The following HK1 variants were observed in gnomAD, a reference collection of about 807,000 sequenced individuals.
The protein encoded by HK1 is hexokinase-1.
In HK1, 28 loss-of-function variants were observed where a neutral mutation model predicts 91.6. The observed-to-expected ratio is 0.31, with a 90% CI of 0.23 to 0.42. HK1 has a LOEUF of 0.42. Ranked by LOEUF, HK1 falls within the 10% of genes least tolerant of loss-of-function variation. The probability of loss-of-function intolerance (pLI) is 1.00; values close to 1 mark genes in which losing one functional copy is unlikely to be tolerated. For synonymous variants in HK1, 430 were observed against 468.1 expected (o/e 0.92, Z 1.05); for missense variants, 770 against 1,219.8 (o/e 0.63, Z 5.49).
chr10:69,377,609 C>T (rs1839181051), intron 8 of HK1, among the ~76,000 whole-genome samples: 2 of 152,126 alleles, frequency 1.3e-5, no homozygotes, highest in South Asian at 4.1e-4. Context: ...GGGAATATGG[C>T]ACATTTATCT....
chr10:69,333,936 C>T (rs2132639746), intron 1 of HK1, among the ~76,000 whole-genome samples: 1 of 152,196 alleles, frequency 6.6e-6, no homozygotes, highest in East Asian at 1.9e-4. Flanking sequence ...CATGGTGAAA[C>T]CGTGTCTCTA....
chr10:69,365,980 A>G (rs1303593204), intron 4 of HK1, among the ~76,000 whole-genome samples: 1 of 151,904 alleles, frequency 6.6e-6, no homozygotes, highest in African/African-American at 2.4e-5. Flanking sequence ...ACAGGTGCCC[A>G]CCACCATGTC....
chr10:69,289,773 ATTTT>A (rs35585147), intron 3 of HK1, among the ~76,000 whole-genome samples: 5 of 135,536 alleles, frequency 3.7e-5, no homozygotes, highest in Non-Finnish European at 1.6e-5. Flanking sequence ...CACCCGGCCA[ATTTT>A]TTTTTTTTTT....
rs541954746 is a variant in HK1, at chr10:69,380,066, C to A, written c.1236C>A (p.Val412=). The A allele has an allele frequency of 3.7e-6, 6 of 1,614,008 alleles. 1 individual carries two copies. In the South Asian group the frequency reaches 5.5e-5, roughly 15 times the overall value. The change falls in exon 9 of 18, where the codon GTC becomes GTA. Residue 412 remains valine (V), a synonymous_variant. Transcript: ENST00000359426. The surrounding 1 kb of genome is among the most constrained non-coding windows in gnomAD (Gnocchi z 4.0). ...CCAGGCTGCGGACCACGGTTGGTGT[C>A]GACGGATCTCTTTACAAGACGCACC... ...GTPRLRTTVG[V]DGSLYKTHPQ...
In HK1 at chr10:69,379,867, A is replaced by G; in HGVS notation, c.1037A>G (p.Lys346Arg). 1 of 1,610,646 alleles carries G rather than the reference A, an allele frequency of 6.2e-7. No individual in the cohort carries two copies. Residue 346 changes from lysine (K) to arginine (R), a missense_variant, in exon 9 of 18, where the codon AAG becomes AGG. Lys to Arg is a conservative substitution (Grantham distance 26). Around this residue, in one of 7 missense-constraint regions of HK1, gnomAD observed 449 missense variants for 665.1 expected, o/e 0.68. Coordinates refer to ENST00000359426, the MANE Select transcript of HK1 (RefSeq NM_000188.3). Reference sequence around the variant, plus strand: ...ATTGGCTTCTAACTTCACAGGAATAAGGAAGGCCTCCACAATGCCAAAGAA... The same window carrying G: ...ATTGGCTTCTAACTTCACAGGAATAGGGAAGGCCTCCACAATGCCAAAGAA... Reference protein sequence around the residue: ...TSDVSAIEKNKEGLHNAKEIL... With the variant: ...TSDVSAIEKNREGLHNAKEIL...
intron 4 of HK1, chr10:69,295,807 G>A: frequency 1.4e-6 from 1 of 721,404 alleles, no homozygotes; most frequent in Non-Finnish European, 2.5e-6. Flanking sequence ...TCTCCAGGGT[G>A]TGGAGCAGTA....
chr10:69,283,726 A>G (rs1242799047), intron 2 of HK1, among the ~76,000 whole-genome samples: 1 of 142,890 alleles, frequency 7.0e-6, no homozygotes, highest in Non-Finnish European at 1.5e-5. Context: ...GGCTGCAACA[A>G]GAGGTTGCAA....
At chr10:69,355,068 C>CAAA (rs775908068) in intron 2 of HK1, among the ~76,000 whole-genome samples, 77 of 84,996 alleles carry the variant, frequency 9.1e-4, no homozygotes, top group Non-Finnish European at 1.3e-3. Flanking sequence ...GACTCCCTCT[C>CAAA]AAAAAAAAAA....
intron 14 of HK1, among the ~76,000 whole-genome samples, chr10:69,390,777 C>T (rs1310325593): frequency 6.6e-6 from 1 of 152,222 alleles, no homozygotes. Flanking sequence ...GATGCAGGCT[C>T]TCAGGTCCTG....
chr10:69,319,291 C>T, intron 1 of HK1: 1 of 549,314 alleles, frequency 1.8e-6, no homozygotes, highest in Non-Finnish European at 3.3e-6. Flanking sequence ...GTCAGATAGG[C>T]CCCCGGGCTG....
chr10:69,382,852 G>A, intron 10 of HK1, 61 bp downstream of exon 10: 1 of 1,557,968 alleles, frequency 6.4e-7, no homozygotes, highest in Non-Finnish European at 8.8e-7. Context: ...GAGCCGCAGT[G>A]GGGGAGGTTG....
At chr10:69,363,763 G>T (rs990726307) in intron 3 of HK1, among the ~76,000 whole-genome samples, 1 of 152,222 alleles carries the variant, frequency 6.6e-6, no homozygotes, top group Non-Finnish European at 1.5e-5. Context: ...CTCATGGGCA[G>T]TATTCATGTA....
At chr10:69,288,801 T>G (rs1216807262) in intron 3 of HK1, 16 of 1,603,532 alleles carry the variant, frequency 1.0e-5, no homozygotes, top group African/African-American at 1.3e-5. Context: ...CTTTCTTTCT[T>G]TTTTTGAGAC....
At chr10:69,306,198 CA>C (rs889541371) in intron 5 of HK1, among the ~76,000 whole-genome samples, 11 of 147,640 alleles carry the variant, frequency 7.5e-5, no homozygotes, top group Non-Finnish European at 7.5e-5. Flanking sequence ...ACTAAAAATA[CA>C]AAAAAAAAAT....
chr10:69,338,148 C>T, intron 1 of HK1: 1 of 727,326 alleles, frequency 1.4e-6, no homozygotes, highest in African/African-American at 1.9e-5. Context: ...AGCTTCAAGG[C>T]CCCCTTGGTC....
Position 69,382,795 on chromosome 10 carries a change from AGGGCCTGCTGGGG to A in HK1, c.1570+6_1570+18del. 1 of 1,609,502 alleles carries A rather than the reference AGGGCCTGCTGGGG, an allele frequency of 6.2e-7. No individual in the cohort carries two copies. Among genetic ancestry groups the A allele is most frequent in the Non-Finnish European group, 8.5e-7 (1 of 1,178,758 alleles). On this transcript the variant is annotated splice_donor_5th_base_variant and intron_variant, in intron 10 of 17. Coordinates refer to ENST00000359426, the MANE Select transcript of HK1 (RefSeq NM_000188.3). ...CGGAGAACTCCCGACGGGACCGGTGAGGGCCTGCTGGGGGCTGACATGCCTGTCCTGCTCCTGC... is the reference window on the plus strand; with the variant it reads ...CGGAGAACTCCCGACGGGACCGGTGAGCTGACATGCCTGTCCTGCTCCTGC...
chr10:69,351,995 ATTT>A (rs201899030), intron 2 of HK1, among the ~76,000 whole-genome samples: 14 of 145,774 alleles, frequency 9.6e-5, no homozygotes, highest in South Asian at 2.1e-4. Flanking sequence ...AGTTATTTCA[ATTT>A]TTTTTTTTTT....
intron 3 of HK1, among the ~76,000 whole-genome samples, chr10:69,289,691 C>T (rs370914603): frequency 3.3e-5 from 5 of 151,304 alleles, no homozygotes; most frequent in East Asian, 1.9e-4. Context: ...AGGCTGGTCT[C>T]GAAACCCTGG....
intron 4 of HK1, chr10:69,300,520 A>T: frequency 1.4e-6 from 1 of 739,170 alleles, no homozygotes; most frequent in Admixed American, 2.1e-5. Flanking sequence ...CAGTACAATG[A>T]AATCAAACTG....
Sources: allele counts gnomAD v4.1 joint callset (sites outside exome capture counted in the v4.1 genomes callset), GRCh38; gene constraint gnomAD v4.1.1; regional missense constraint gnomAD v4.1.1; non-coding constraint Gnocchi (gnomAD v3.1); transcripts MANE v1.5; gene names NCBI Gene and HGNC (gene_info 2026-07-23, HGNC 2026-07-21).